MEGF11: variants seen among roughly 807,000 people sequenced by gnomAD.
MEGF11 encodes multiple EGF like domains 11, also known as multiple epidermal growth factor-like domains protein 11.
Under a neutral mutation model 146.6 loss-of-function variants are expected in MEGF11, and 126 were observed. The observed-to-expected ratio is 0.86, with a 90% CI of 0.74 to 1.00. The LOEUF is 1.00. MEGF11 is among the 50% of genes least tolerant of loss of function. The pLI is 0.00. For missense variants in MEGF11, 1,509 were observed against 1,521.2 expected, an observed-to-expected ratio of 0.99 and a Z score of 0.13; for synonymous variants, 532 against 583.4, an observed-to-expected ratio of 0.91 and a Z score of 1.27.
intron 1 of MEGF11, among the ~76,000 whole-genome samples, chr15:66,201,034 C>G (rs1026671): frequency 0.22 from 33,219 of 151,946 alleles, 4,471 homozygotes; most frequent in East Asian, 0.58. Context: ...GGTAGGGTGG[C>G]GAGTAGAGTC....
chr15:65,986,793 C>CTTTTTT (rs34991788), intron 5 of MEGF11, among the ~76,000 whole-genome samples: 7 of 121,338 alleles, frequency 5.8e-5, no homozygotes, highest in African/African-American at 1.9e-4. Context: ...CTGATTTTTC[C>CTTTTTT]TTTTTTTTTT....
chr15:66,120,628 G>T (rs1041715038), intron 3 of MEGF11, among the ~76,000 whole-genome samples: 7 of 152,222 alleles, frequency 4.6e-5, no homozygotes, highest in Non-Finnish European at 4.4e-5. Flanking sequence ...GGAAATCTGT[G>T]ATATTTGGGA....
Position 66,123,935 on chromosome 15 carries a change from G to A in MEGF11, c.164C>T (p.Thr55Ile), listed in dbSNP as rs367723110. The A allele has an allele frequency of 1.7e-5, 28 of 1,613,906 alleles. No homozygotes were observed. Among genetic ancestry groups the A allele is most frequent in the Non-Finnish European group, 2.3e-5 (27 of 1,179,878 alleles). ...PFDQIYYTRC[T>I]DILNWFKCTR... is the part of the protein sequence containing the mutation. ...GCACTTGAACCAGTTGAGGATGTCT[G>A]TGCATCGTGTGTAATAGATCTGATC... is the stretch of plus-strand genomic sequence containing the variant. The change falls in exon 3 of 26, where the codon ACA (threonine) becomes ATA (isoleucine). Residue 55 changes from threonine to isoleucine, a missense_variant. Physicochemically the swap from Thr to Ile is moderately conservative, Grantham distance 89. Transcript: ENST00000395614.
intron 4 of MEGF11, among the ~76,000 whole-genome samples, chr15:66,116,875 G>A (rs2087756258): frequency 6.6e-6 from 1 of 152,162 alleles, no homozygotes; most frequent in East Asian, 1.9e-4. Flanking sequence ...GGTTCAGAGA[G>A]GTAAAGCCTT....
At position 65,898,732 on chromosome 15, in the gene MEGF11, T is replaced by C; in HGVS notation, c.3258A>G (p.Glu1086=). The change falls in exon 25 of 26, where the codon GAA becomes GAG. Residue 1086 remains glutamate (E), a synonymous_variant. Coordinates refer to ENST00000395614, the MANE Select transcript of MEGF11 (RefSeq NM_001385028.1). ...TTACTTATTTGAGACACCTACCAAC[T>C]TCATATATATTTTTATTAGATGTCG... is the stretch of plus-strand genomic sequence containing the variant. The part of the protein sequence containing the change: ...SLSTSNKNIY[E]VEPTVSVVQE... 6.2e-7 allele frequency: 1 copy of C among 1,613,658 alleles called. No individual in the cohort carries two copies. The highest frequency in any genetic ancestry group is 8.5e-7 in the Non-Finnish European group (1 of 1,179,734).
At chr15:66,174,692 GCTAT>G (rs2090348127) in intron 1 of MEGF11, among the ~76,000 whole-genome samples, 1 of 151,842 alleles carries the variant, frequency 6.6e-6, no homozygotes, top group South Asian at 2.1e-4. Flanking sequence ...CACCTGTGGG[GCTAT>G]CTCAGCTGTT....
At chr15:66,135,988 C>A (rs1161258206) in intron 1 of MEGF11, among the ~76,000 whole-genome samples, 2 of 152,174 alleles carry the variant, frequency 1.3e-5, no homozygotes, top group Non-Finnish European at 2.9e-5. Context: ...CCCTTCCCTG[C>A]CCTTCCCCTC....
chr15:66,011,507 G>A (rs2082710484), intron 5 of MEGF11, among the ~76,000 whole-genome samples: 1 of 152,100 alleles, frequency 6.6e-6, no homozygotes, highest in Non-Finnish European at 1.5e-5. Context: ...GGACTTGAGA[G>A]CCCTCATCTT....
At chr15:66,207,094 G>C (rs1463446400) in intron 1 of MEGF11, among the ~76,000 whole-genome samples, 1 of 151,856 alleles carries the variant, frequency 6.6e-6, no homozygotes, top group African/African-American at 2.4e-5. Context: ...ACACATAATG[G>C]GAGTCCCAAA....
intron 10 of MEGF11, among the ~76,000 whole-genome samples, chr15:65,956,036 G>A (rs915576413): frequency 3.9e-5 from 6 of 151,946 alleles, no homozygotes; most frequent in Non-Finnish European, 7.4e-5. Flanking sequence ...GCAAACCCTC[G>A]CTTGATCTAC....
intron 5 of MEGF11, among the ~76,000 whole-genome samples, chr15:66,032,890 G>A (rs1214556038): frequency 6.6e-6 from 1 of 152,100 alleles, no homozygotes; most frequent in African/African-American, 2.4e-5. Flanking sequence ...GACCATCCTG[G>A]CTAACACGGT....
chr15:65,929,687 GCCCAACCTGTCCCTC>G lies in MEGF11; in HGVS notation c.1572+18_1572+32del. The G allele has an allele frequency of 6.5e-7, 1 of 1,541,014 alleles. No homozygotes were observed. Among genetic ancestry groups the G allele is most frequent in the African/African-American group, 1.4e-5 (1 of 73,014 alleles). ...GGGAAAGGGCGTGAGGGGATGCGGA[GCCCAACCTGTCCCTC>G]CCCACCCTGGCACTCACCGGGCAAG... On this transcript the variant is annotated intron_variant, in intron 12 of 25. Transcript: ENST00000395614.
intron 1 of MEGF11, among the ~76,000 whole-genome samples, chr15:66,163,181 C>T (rs1015489328): frequency 6.6e-6 from 1 of 152,192 alleles, no homozygotes; most frequent in Admixed American, 6.5e-5. Flanking sequence ...CTCCTGTCCA[C>T]CCATCTGGGC....
intron 1 of MEGF11, among the ~76,000 whole-genome samples, chr15:66,224,883 A>C (rs933000273): frequency 6.6e-6 from 1 of 151,886 alleles, no homozygotes; most frequent in African/African-American, 2.4e-5. Flanking sequence ...ATGCATATTC[A>C]TCTCAATCAG....
In MEGF11 at chr15:66,154,633, G is replaced by T. The variant is rs189400001; in HGVS notation, c.-8-26222C>A. The stretch of plus-strand genomic sequence containing the variant: ...TAGAATGAAAGGCAAAGTGCTGGAG[G>T]GACGTGCAAGACAGAGACACTTCTA... On this transcript the variant is annotated intron_variant, in intron 1 of 25. Transcript: ENST00000395614. Among the ~76,000 whole-genome samples the T allele has an allele frequency of 8.7e-4, 133 of 152,342 alleles. 2 individuals carry two copies. The highest frequency in any genetic ancestry group is 2.8e-3 in the African/African-American group (117 of 41,578).
intron 1 of MEGF11, among the ~76,000 whole-genome samples, chr15:66,242,057 G>T (rs1293090077): frequency 6.6e-6 from 1 of 152,202 alleles, no homozygotes; most frequent in African/African-American, 2.4e-5. Context: ...ATGCCTTTGT[G>T]TGAGGCATGG....
chr15:66,049,357 A>G (rs535704758), intron 5 of MEGF11, among the ~76,000 whole-genome samples: 1 of 152,294 alleles, frequency 6.6e-6, no homozygotes, highest in East Asian at 1.9e-4. Context: ...GAGAGGTGAC[A>G]AAGGAGAAAG....
At chr15:66,218,979 CAAAAAA>C (rs71139474) in intron 1 of MEGF11, among the ~76,000 whole-genome samples, 3 of 86,942 alleles carry the variant, frequency 3.5e-5, no homozygotes, top group South Asian at 9.1e-4. Context: ...TATCCACAGG[CAAAAAA>C]AAAAAAAAAA....
intron 1 of MEGF11, among the ~76,000 whole-genome samples, chr15:66,146,035 C>T (rs151020305): frequency 1.8e-3 from 268 of 152,236 alleles, no homozygotes; most frequent in African/African-American, 6.3e-3. Context: ...TCACAGCCAC[C>T]CAGAAAAGCC....
Sources: gnomAD v4.1 joint callset for allele counts (sites outside exome capture counted in the v4.1 genomes callset) on GRCh38, gnomAD v4.1.1 for gene constraint, MANE v1.5 for transcripts, NCBI Gene and HGNC (gene_info 2026-07-23, HGNC 2026-07-21) for gene names.